Variants in SSRP1 observed in about 807,000 individuals in gnomAD.
SSRP1 encodes the protein structure specific recognition protein 1.
Under a neutral mutation model 84.4 loss-of-function variants are expected in SSRP1, and 21 were observed. That is an observed-to-expected ratio of 0.25 (90% CI 0.18 to 0.36). SSRP1 has a LOEUF of 0.36. Among genes scored for constraint, SSRP1 ranks in the 10% least tolerant of loss-of-function variants. The pLI is 1.00. For missense variants in SSRP1, 519 were observed against 900.8 expected, an observed-to-expected ratio of 0.58 and a Z score of 5.43; for synonymous variants, 319 against 318.3, an observed-to-expected ratio of 1.00 and a Z score of -0.02.
chr11:57,327,099 A>C, intron 15 of SSRP1: 1 of 942,376 alleles, frequency 1.1e-6, no homozygotes, highest in East Asian at 2.7e-5. Flanking sequence ...AAGCAGCCCA[A>C]TGTGCAAAAC....
intron 4 of SSRP1, 37 bp from the exon 5 acceptor site, chr11:57,333,186 C>T: frequency 6.4e-7 from 1 of 1,572,404 alleles, no homozygotes; most frequent in Non-Finnish European, 8.6e-7. Context: ...CAAGCTCCTC[C>T]CCTTAAGTCT....
chr11:57,329,379 A>G (rs10792089), intron 12 of SSRP1: 21,162 of 152,792 alleles, frequency 0.14, 1,536 homozygotes, highest in Middle Eastern at 0.18. Flanking sequence ...ATCAGACCCC[A>G]GCCCATTCTA....
At chr11:57,329,973 G>A (rs1856057425) in intron 12 of SSRP1, 120 bp downstream of exon 12, 10 of 1,222,330 alleles carry the variant, frequency 8.2e-6, no homozygotes, top group Non-Finnish European at 1.1e-5. Flanking sequence ...CTCATTGGAG[G>A]TCACTCTCCC....
At position 57,335,122 on chromosome 11, in the gene SSRP1, G is replaced by A; in HGVS notation, c.-1C>T. On this transcript the variant is annotated 5_prime_UTR_variant, in exon 2 of 17. Transcript: ENST00000278412. This position sits in a 1 kb window ranked among gnomAD's most constrained non-coding sequence, Gnocchi z 4.6. ...CGTTGAACTCCAGTGTCTCTGCCAT[G>A]TCGACCCCTGCCTGTGGTGGCCTGG... is the stretch of plus-strand genomic sequence containing the variant. 1 of 1,614,094 alleles carries A rather than the reference G, an allele frequency of 6.2e-7. No individual in the cohort carries two copies. Among genetic ancestry groups the A allele is most frequent in the Non-Finnish European group, 8.5e-7 (1 of 1,179,986 alleles).
Position 57,330,876 on chromosome 11 carries a change from G to A in SSRP1, c.1275C>T (p.Ile425=), listed in dbSNP as rs1198065167. The A allele has an allele frequency of 6.2e-7, 1 of 1,614,100 alleles. No homozygotes were observed. The highest frequency in any genetic ancestry group is 1.3e-5 in the African/African-American group (1 of 74,934). Residue 425 remains isoleucine, a synonymous_variant, in exon 10 of 17, where the codon ATC becomes ATT. Coordinates refer to ENST00000278412, the MANE Select transcript of SSRP1 (RefSeq NM_003146.3). The surrounding 1 kb of genome is among the most constrained non-coding windows in gnomAD (Gnocchi z 4.0). ...GTACCTCTTTCAATCCTCGGTTTTT[G>A]ATGTTGAGCTTTTTCGCGTTGACAA... The part of the protein sequence containing the change: ...FDFVNAKKLN[I]KNRGLKEGMN...
At position 57,330,973 on chromosome 11, in the gene SSRP1, CAG is replaced by C; in HGVS notation, c.1224-48_1224-47del. 6.3e-7 allele frequency: 1 copy of C among 1,589,046 alleles called. No homozygotes were observed. Among genetic ancestry groups the C allele is most frequent in the Non-Finnish European group, 8.6e-7 (1 of 1,157,352 alleles). ...TGTTACCAGAGAGGTAGTGCCAACA[CAG>C]GGGCACACTAAACAATGTTCTGATT... On this transcript the variant is annotated intron_variant, in intron 9 of 16. Transcript: ENST00000278412. The surrounding 1 kb of genome is among the most constrained non-coding windows in gnomAD (Gnocchi z 4.0).
In SSRP1 at chr11:57,330,225, AGTCCAGCCCGG is replaced by A. The variant is rs1227525316; in HGVS notation, c.1435+55_1435+65del. The stretch of plus-strand genomic sequence containing the variant: ...GGCACCCAGCTCTGGCCCAAGGGTG[AGTCCAGCCCGG>A]GCCACAGCGAGGAGCGTCTGACCAT... On this transcript the variant is annotated intron_variant, in intron 11 of 16. Coordinates refer to ENST00000278412, the MANE Select transcript of SSRP1 (RefSeq NM_003146.3). This position sits in a 1 kb window ranked among gnomAD's most constrained non-coding sequence, Gnocchi z 4.0. 21 of 1,613,996 alleles carry A rather than the reference AGTCCAGCCCGG, an allele frequency of 1.3e-5. No homozygotes were observed. The East Asian group carries it at 4.5e-4, about 34-fold the overall frequency.
In SSRP1 at chr11:57,330,964, G is replaced by A. The variant is rs368626976; in HGVS notation, c.1224-37C>T. 22 of 1,606,408 alleles carry A rather than the reference G, an allele frequency of 1.4e-5. No individual in the cohort carries two copies. Among genetic ancestry groups the A allele is most frequent in the Non-Finnish European group, 1.9e-5 (22 of 1,173,138 alleles). ...CATGCACCATGTTACCAGAGAGGTA[G>A]TGCCAACACAGGGGCACACTAAACA... On this transcript the variant is annotated intron_variant, in intron 9 of 16. Transcript: ENST00000278412. The surrounding 1 kb of genome is among the most constrained non-coding windows in gnomAD (Gnocchi z 4.0).
Position 57,331,032 on chromosome 11 carries a change from G to A in SSRP1, c.1224-105C>T, listed in dbSNP as rs185634856. On this transcript the variant is annotated intron_variant, in intron 9 of 16. Transcript: ENST00000278412. ...GCTGGGGTAGACTGTGGAGCCTGGA[G>A]CTCTTGACTATGCTACCCAACCCAA... 7.6e-6 allele frequency: 10 copies of A among 1,308,094 alleles called. No homozygotes were observed. In the African/African-American group the frequency reaches 8.7e-5, roughly 11 times the overall value. The allele number at this position is 1,308,094 out of a possible 1,614,324, so 81.0% of individuals were successfully genotyped here. A position where few individuals can be genotyped will look rare whatever the true frequency, so the allele number is the denominator to read the frequency against.
chr11:57,331,028 T>A, intron 9 of SSRP1, 101 bp from the exon 10 acceptor site: 1 of 1,351,180 alleles, frequency 7.4e-7, no homozygotes, highest in Non-Finnish European at 1.0e-6. Flanking sequence ...CTGTGGAGCC[T>A]GGAGCTCTTG....
chr11:57,331,963 A>G, intron 8 of SSRP1, 74 bp from the exon 9 acceptor site: 1 of 1,507,624 alleles, frequency 6.6e-7, no homozygotes, highest in Non-Finnish European at 9.1e-7. Context: ...CAGCAGCGAC[A>G]CGAGTGCTCA....
chr11:57,332,991 G>A lies in SSRP1; in HGVS notation c.505C>T (p.Pro169Ser). Reference sequence around the variant, plus strand: ...GGGTCCACACCATCCTCCTGGGTGGGTGGGACGTAGAAGCGCACCTCCATG... The same window carrying A: ...GGGTCCACACCATCCTCCTGGGTGGATGGGACGTAGAAGCGCACCTCCATG... The part of the protein sequence containing the change: ...SLMEVRFYVP[P>S]TQEDGVDPVE... The change falls in exon 5 of 17, where the codon CCC becomes TCC. Residue 169 changes from proline (P) to serine (S), a missense_variant. Coordinates refer to ENST00000278412, the MANE Select transcript of SSRP1 (RefSeq NM_003146.3). The surrounding 1 kb of genome is among the most constrained non-coding windows in gnomAD (Gnocchi z 5.5). 3 of 1,613,746 alleles carry A rather than the reference G, an allele frequency of 1.9e-6. No individual in the cohort carries two copies. Among genetic ancestry groups the A allele is most frequent in the Non-Finnish European group, 2.5e-6 (3 of 1,179,786 alleles).
At position 57,330,530 on chromosome 11, in the gene SSRP1, C is replaced by T; in HGVS notation, c.1297-101G>A. 6.5e-7 allele frequency: 1 copy of T among 1,533,400 alleles called. No homozygotes were observed. 95.0% of individuals were successfully genotyped at this position (1,533,400 alleles called of 1,614,324 possible). A position where few individuals can be genotyped will look rare whatever the true frequency, so the allele number is the denominator to read the frequency against. On this transcript the variant is annotated intron_variant, in intron 10 of 16. Transcript: ENST00000278412. This position sits in a 1 kb window ranked among gnomAD's most constrained non-coding sequence, Gnocchi z 4.0. The stretch of plus-strand genomic sequence containing the variant: ...CATGCCTGTCAAGTCAGAGCAGCAG[C>T]TCCCAGAAGACCTGGGGCTGGATTG...
At chr11:57,327,284 T>C (rs1318778697) in intron 15 of SSRP1, 142 bp downstream of exon 15, 5 of 862,002 alleles carry the variant, frequency 5.8e-6, no homozygotes, top group Non-Finnish European at 5.5e-6. Flanking sequence ...GGCAATGGCC[T>C]ACCCAGGTTT....
chr11:57,328,144 A>G (rs899082461), intron 13 of SSRP1, among the ~76,000 whole-genome samples, 153 bp downstream of exon 13: 1 of 152,172 alleles, frequency 6.6e-6, no homozygotes, highest in African/African-American at 2.4e-5. Context: ...ATTTCCAAGA[A>G]GATAACCCTC....
At position 57,331,688 on chromosome 11, in the gene SSRP1, A is replaced by G; in HGVS notation, c.1203T>C (p.Tyr401=). Residue 401 remains tyrosine (Y), a synonymous_variant, in exon 9 of 17, where the codon TAT becomes TAC. Transcript: ENST00000278412. ...CTCACCTCTCAATGCTGCTGAAGGT[A>G]TACTGAGTGCCCTGCTTGGTCTCAA... ...FEIETKQGTQ[Y]TFSSIEREEY... 6.2e-7 allele frequency: 1 copy of G among 1,614,084 alleles called. No homozygotes were observed. Among genetic ancestry groups the G allele is most frequent in the Non-Finnish European group, 8.5e-7 (1 of 1,179,956 alleles).
At position 57,335,237 on chromosome 11, in the gene SSRP1, G is replaced by T. The variant is rs1020924160; in HGVS notation, c.-116C>A. The T allele has an allele frequency of 1.9e-6, 2 of 1,044,092 alleles. No homozygotes were observed. The highest frequency in any genetic ancestry group is 3.0e-6 in the Non-Finnish European group (2 of 669,846). 64.7% of individuals were successfully genotyped at this position (1,044,092 alleles called of 1,614,324 possible). ...GGTGTGCGGATGCTCAGCAGGTTGG[G>T]AATCTGAATTCAAGAGGAAGACAGA... On this transcript the variant is annotated 5_prime_UTR_variant, in exon 2 of 17. Transcript: ENST00000278412. The surrounding 1 kb of genome is among the most constrained non-coding windows in gnomAD (Gnocchi z 4.6).
At chr11:57,329,127 C>A (rs1565052255) in intron 12 of SSRP1, 1 of 152,274 alleles carries the variant, frequency 6.6e-6, no homozygotes, top group Non-Finnish European at 1.5e-5. Context: ...GCTGGACAGT[C>A]TTCAAGGCAC....
At chr11:57,333,277 C>T in intron 4 of SSRP1, 128 bp from the exon 5 acceptor site, 1 of 1,184,410 alleles carries the variant, frequency 8.4e-7, no homozygotes, top group South Asian at 1.4e-5. Context: ...AACCCCAACC[C>T]CAGGCAGTAT....
Sources: allele counts gnomAD v4.1 joint callset (sites outside exome capture counted in the v4.1 genomes callset), GRCh38; gene constraint gnomAD v4.1.1; non-coding constraint Gnocchi (gnomAD v3.1); transcripts MANE v1.5; gene names NCBI Gene and HGNC (gene_info 2026-07-23, HGNC 2026-07-21).